Variants in ASIC2 observed in about 807,000 individuals in gnomAD.
ASIC2 encodes acid sensing ion channel subunit 2.
In ASIC2, 25 loss-of-function variants were observed where a neutral mutation model predicts 57.3. That is an observed-to-expected ratio of 0.44 (90% CI 0.32 to 0.61). The LOEUF (loss-of-function observed/expected upper bound fraction) is 0.61. Among genes scored for constraint, ASIC2 ranks in the 20% least tolerant of loss-of-function variants. The pLI is 0.06. For missense variants in ASIC2, 641 were observed against 738.1 expected (o/e 0.87, Z 1.52); for synonymous variants, 319 against 307.5 (o/e 1.04, Z -0.39).
chr17:33,448,701 TG>T (rs1173535219), intron 1 of ASIC2, among the ~76,000 whole-genome samples: 1 of 152,244 alleles, frequency 6.6e-6, no homozygotes, highest in African/African-American at 2.4e-5. Context: ...TTCAGACTTC[TG>T]GCCTCCAGAA....
chr17:33,050,538 C>G (rs2091971141), intron 3 of ASIC2, among the ~76,000 whole-genome samples: 1 of 152,174 alleles, frequency 6.6e-6, no homozygotes, highest in Admixed American at 6.5e-5. Context: ...TTGGAAAGAG[C>G]ACTGGAAGAA....
chr17:34,025,974 C>A (rs1265666199), intron 1 of ASIC2, among the ~76,000 whole-genome samples: 1 of 152,210 alleles, frequency 6.6e-6, no homozygotes, highest in Non-Finnish European at 1.5e-5. Flanking sequence ...ACATCTCAGG[C>A]TCCTTTTTCT....
chr17:33,616,778 A>G (rs1456731499), intron 1 of ASIC2, among the ~76,000 whole-genome samples: 2 of 152,242 alleles, frequency 1.3e-5, no homozygotes, highest in African/African-American at 4.8e-5. Context: ...TCTGAGATAG[A>G]AGAGCAGAAG....
intron 1 of ASIC2, among the ~76,000 whole-genome samples, chr17:33,304,841 T>C (rs923504014): frequency 2.6e-5 from 4 of 152,082 alleles, no homozygotes; most frequent in African/African-American, 4.8e-5. Flanking sequence ...CGTCTGTTCT[T>C]AGTCTCCGCC....
At chr17:33,020,156 C>T (rs898040006) in intron 7 of ASIC2, among the ~76,000 whole-genome samples, 6 of 152,234 alleles carry the variant, frequency 3.9e-5, no homozygotes, top group South Asian at 4.2e-4. Flanking sequence ...AATGCTTAGC[C>T]AGCCCCTGGA....
At chr17:34,127,068 C>T (rs1198545648) in intron 1 of ASIC2, among the ~76,000 whole-genome samples, 2 of 152,102 alleles carry the variant, frequency 1.3e-5, no homozygotes, top group East Asian at 3.9e-4. Context: ...CTGTAGGCTC[C>T]CAGTAAGCGT....
chr17:33,371,955 C>G lies in ASIC2; in HGVS notation c.556-259888G>C, dbSNP rs148810508. Among the ~76,000 whole-genome samples, 328 of 152,164 alleles carry G rather than the reference C, an allele frequency of 2.2e-3. 2 individuals are homozygous for G. Among genetic ancestry groups the G allele is most frequent in the Non-Finnish European group, 3.2e-3 (218 of 68,010 alleles). On this transcript the variant is annotated intron_variant, in intron 1 of 9. Coordinates refer to the ASIC2 transcript ENST00000359872. Reference sequence around the variant, plus strand: ...GACAGGGGTATGTAGAAGATCACCACGTCATCCCAGGTGGAGGTGAGCTGG... The same window carrying G: ...GACAGGGGTATGTAGAAGATCACCAGGTCATCCCAGGTGGAGGTGAGCTGG...
chr17:33,529,883 G>C (rs113365588), intron 1 of ASIC2: 13,702 of 152,204 alleles, frequency 0.09, 1,642 homozygotes, highest in African/African-American at 0.28. Context: ...TAGGCAGACA[G>C]CGGGACTCCT....
intron 1 of ASIC2, among the ~76,000 whole-genome samples, chr17:33,713,566 C>T (rs543274141): frequency 6.6e-6 from 1 of 152,326 alleles, no homozygotes; most frequent in East Asian, 1.9e-4. Context: ...GGACACCAAT[C>T]ATATTGAATT....
At chr17:33,573,363 A>G (rs780380503) in intron 1 of ASIC2, among the ~76,000 whole-genome samples, 1 of 152,186 alleles carries the variant, frequency 6.6e-6, no homozygotes, top group African/African-American at 2.4e-5. Context: ...GGCCCATCTC[A>G]GGAAATGAAA....
intron 1 of ASIC2, among the ~76,000 whole-genome samples, chr17:33,331,633 C>A (rs559378941): frequency 7.2e-4 from 109 of 152,280 alleles, no homozygotes; most frequent in Non-Finnish European, 1.0e-3. Flanking sequence ...TAAAATATAA[C>A]CCTTTGTTAT....
chr17:33,210,711 C>G (rs935616558), intron 1 of ASIC2, among the ~76,000 whole-genome samples: 2 of 152,202 alleles, frequency 1.3e-5, no homozygotes, highest in African/African-American at 4.8e-5. Context: ...GCCCTGCCCT[C>G]CAAAGGAAAG....
At chr17:33,964,343 T>C (rs1905015642) in intron 1 of ASIC2, among the ~76,000 whole-genome samples, 1 of 152,148 alleles carries the variant, frequency 6.6e-6, no homozygotes, top group South Asian at 2.1e-4. Flanking sequence ...CCAGCTCAAG[T>C]TTAGATAGTT....
chr17:33,853,510 C>A (rs777930454), intron 1 of ASIC2, among the ~76,000 whole-genome samples: 1 of 152,116 alleles, frequency 6.6e-6, no homozygotes, highest in Non-Finnish European at 1.5e-5. Flanking sequence ...TGACCTGGAC[C>A]GTCTCTAAGC....
At chr17:33,227,713 A>AT (rs1291761296) in intron 1 of ASIC2, among the ~76,000 whole-genome samples, 1 of 152,188 alleles carries the variant, frequency 6.6e-6, no homozygotes, top group African/African-American at 2.4e-5. Context: ...TAGAAGCCAC[A>AT]TAAAAACCCA....
chr17:33,363,093 A>C (rs899264782), intron 1 of ASIC2, among the ~76,000 whole-genome samples: 1 of 152,220 alleles, frequency 6.6e-6, no homozygotes, highest in Non-Finnish European at 1.5e-5. Flanking sequence ...TTTTCTATAA[A>C]GGAAGAAATG....
At chr17:33,465,691 G>C (rs1440602681) in intron 1 of ASIC2, among the ~76,000 whole-genome samples, 1 of 152,162 alleles carries the variant, frequency 6.6e-6, no homozygotes, top group African/African-American at 2.4e-5. Context: ...GGGCTTTGAT[G>C]ATAGGTAACT....
chr17:33,883,269 A>G (rs1189546863), intron 1 of ASIC2, among the ~76,000 whole-genome samples: 3 of 152,120 alleles, frequency 2.0e-5, no homozygotes, highest in African/African-American at 7.2e-5. Flanking sequence ...AAAAAGTCTG[A>G]TGAATGAATG....
chr17:33,025,485 T>G (rs113063523), intron 5 of ASIC2, among the ~76,000 whole-genome samples: 1,607 of 152,202 alleles, frequency 0.011, 34 homozygotes, highest in African/African-American at 0.037. Context: ...AGAAAGATGG[T>G]ACTTCAGAAT....
Sources: allele counts gnomAD v4.1 joint callset (sites outside exome capture counted in the v4.1 genomes callset), GRCh38; gene constraint gnomAD v4.1.1; transcripts MANE v1.5; gene names NCBI Gene and HGNC (gene_info 2026-07-23, HGNC 2026-07-21).